The following SYN2 variants were observed in gnomAD, a reference collection of about 807,000 sequenced individuals.
The protein encoded by SYN2 is synapsin-2.
In SYN2, 19 loss-of-function variants were observed where a neutral mutation model predicts 50.9. The ratio of observed to expected loss-of-function variants is 0.37; its 90% CI spans 0.26 to 0.55. The LOEUF is 0.55. SYN2 is among the 20% of genes least tolerant of loss of function. The pLI, the probability that SYN2 is intolerant of heterozygous loss-of-function variation, is 0.81. For missense variants in SYN2, 587 were observed against 576.4 expected (o/e 1.02, Z -0.19); for synonymous variants, 255 against 224.9 (o/e 1.13, Z -1.20).
chr3:12,113,702 G>C (rs893753450), intron 1 of SYN2, among the ~76,000 whole-genome samples: 1 of 152,048 alleles, frequency 6.6e-6, no homozygotes, highest in Admixed American at 6.5e-5. Context: ...ATCACACAAT[G>C]TACTAGTTTT....
At chr3:12,044,205 A>ACACACC (rs1225806122) in intron 1 of SYN2, among the ~76,000 whole-genome samples, 4 of 135,130 alleles carry the variant, frequency 3.0e-5, no homozygotes, top group Non-Finnish European at 6.6e-5. Context: ...ACACACACAC[A>ACACACC]CACACACACA....
chr3:12,019,217 A>T (rs1247140069), intron 1 of SYN2, among the ~76,000 whole-genome samples: 1 of 152,200 alleles, frequency 6.6e-6, no homozygotes, highest in Non-Finnish European at 1.5e-5. Flanking sequence ...TGGTGGTTGG[A>T]GACTACAAGA....
chr3:12,137,711 T>TA (rs1574960772), intron 1 of SYN2, among the ~76,000 whole-genome samples: 1 of 152,184 alleles, frequency 6.6e-6, no homozygotes, highest in Non-Finnish European at 1.5e-5. Context: ...AACAAAAGTT[T>TA]AAAAAAATTT....
chr3:12,140,753 T>G (rs772291623), intron 2 of SYN2, 45 bp downstream of exon 2: 2 of 730,664 alleles, frequency 2.7e-6, no homozygotes, highest in Non-Finnish European at 5.1e-6. Flanking sequence ...CATCACAGTT[T>G]CCTCTTGACA....
chr3:12,086,891 GTATC>G (rs1179438673), intron 1 of SYN2, among the ~76,000 whole-genome samples: 3 of 152,032 alleles, frequency 2.0e-5, no homozygotes, highest in Non-Finnish European at 4.4e-5. Context: ...GAAATAAAAA[GTATC>G]TAAATAGAAA....
At chr3:12,175,085 G>A (rs558777113) in intron 10 of SYN2, among the ~76,000 whole-genome samples, 100 of 152,248 alleles carry the variant, frequency 6.6e-4, no homozygotes, top group Admixed American at 2.0e-3. Context: ...CAATCAGTTG[G>A]CTATAGAAAA....
chr3:12,056,963 A>G (rs1045681794), intron 1 of SYN2, among the ~76,000 whole-genome samples: 13 of 152,220 alleles, frequency 8.5e-5, no homozygotes, highest in African/African-American at 3.1e-4. Flanking sequence ...CTAACAGAAC[A>G]AAAATGATAA....
intron 1 of SYN2, 84 bp from the exon 2 acceptor site, chr3:12,140,567 G>C: frequency 1.4e-6 from 1 of 716,944 alleles, no homozygotes; most frequent in Non-Finnish European, 2.6e-6. Context: ...TCTGTCTGCT[G>C]TGGTCCTCTT....
intron 1 of SYN2, among the ~76,000 whole-genome samples, chr3:12,081,739 C>T (rs1695590802): frequency 6.6e-6 from 1 of 152,180 alleles, no homozygotes; most frequent in African/African-American, 2.4e-5. Context: ...CACCAATCCT[C>T]AGGTTTTCCC....
Position 12,167,240 on chromosome 3 carries a change from A to G in SYN2, c.987A>G (p.Thr329=), listed in dbSNP as rs1697822974. The G allele has an allele frequency of 6.2e-7, 1 of 1,612,830 alleles. No homozygotes were observed. Among genetic ancestry groups the G allele is most frequent in the South Asian group, 1.1e-5 (1 of 90,434 alleles). The change falls in exon 8 of 13, where the codon ACA becomes ACG. Residue 329 remains threonine (T), a synonymous_variant. Coordinates refer to ENST00000621198, the MANE Select transcript of SYN2 (RefSeq NM_133625.6). Reference sequence around the variant, plus strand: ...TGGTGGGATCTTGTTGCAGGAGGACATCGATCTCAGGGAACTGGAAGACGA... The same window carrying G: ...TGGTGGGATCTTGTTGCAGGAGGACGTCGATCTCAGGGAACTGGAAGACGA... ...IGNNYKAYMR[T]SISGNWKTNT...
At chr3:12,130,230 CTG>C (rs976627971) in intron 1 of SYN2, among the ~76,000 whole-genome samples, 12 of 85,182 alleles carry the variant, frequency 1.4e-4, no homozygotes, top group African/African-American at 4.1e-4. Flanking sequence ...GTATGCATCT[CTG>C]TGTGCGTGTG....
At chr3:12,092,518 T>C (rs1695852089) in intron 1 of SYN2, among the ~76,000 whole-genome samples, 1 of 152,050 alleles carries the variant, frequency 6.6e-6, no homozygotes, top group South Asian at 2.1e-4. Flanking sequence ...TTGAAGAGAG[T>C]AAAATTTCTC....
chr3:12,172,203 A>C (rs1331420534), intron 10 of SYN2, among the ~76,000 whole-genome samples: 1 of 152,216 alleles, frequency 6.6e-6, no homozygotes, highest in Admixed American at 6.5e-5. Context: ...TCCCATCTCT[A>C]GACCTCTGTT....
intron 3 of SYN2, 47 bp from the exon 4 acceptor site, chr3:12,145,632 G>GC: frequency 6.2e-7 from 1 of 1,600,922 alleles, no homozygotes; most frequent in Non-Finnish European, 8.5e-7. Context: ...ATGATGTATG[G>GC]CCTGAAGTGC....
intron 1 of SYN2, among the ~76,000 whole-genome samples, chr3:12,115,091 T>C (rs1696403832): frequency 6.6e-6 from 1 of 152,212 alleles, no homozygotes; most frequent in Non-Finnish European, 1.5e-5. Flanking sequence ...CTAATTTTCA[T>C]CTGAACAAAG....
At chr3:12,157,621 G>A in intron 5 of SYN2, 1 of 726,214 alleles carries the variant, frequency 1.4e-6, no homozygotes, top group Non-Finnish European at 2.3e-6. Flanking sequence ...GCAACGTGAT[G>A]TGTGAGAAGG....
At chr3:12,095,489 A>C (rs1406013593) in intron 1 of SYN2, among the ~76,000 whole-genome samples, 2 of 121,522 alleles carry the variant, frequency 1.6e-5, no homozygotes, top group Non-Finnish European at 1.7e-5. Context: ...CAGAGCTTTC[A>C]GTGAGCCGAG....
In SYN2 at chr3:12,046,811, C is replaced by T. The variant is rs542488909; in HGVS notation, c.377+41883C>T. Among the ~76,000 whole-genome samples the T allele has an allele frequency of 7.6e-4, 115 of 152,156 alleles. 3 individuals are homozygous for T. The South Asian group carries it at 0.022, about 30-fold the overall frequency. ...AAATGAAGGAGAGGTCAAAGTATGA[C>T]GACTAGGTTTCTGACTGCACAGCTG... On this transcript the variant is annotated intron_variant, in intron 1 of 12. Coordinates refer to ENST00000621198, the MANE Select transcript of SYN2 (RefSeq NM_133625.6).
At chr3:12,183,559 A>C in intron 11 of SYN2, 187 bp downstream of exon 11, 1 of 1,515,580 alleles carries the variant, frequency 6.6e-7, no homozygotes, top group Admixed American at 2.4e-5. Flanking sequence ...TTCAATGCTG[A>C]CTGGACTGTG....
Sources: gnomAD v4.1 joint callset for allele counts (sites outside exome capture counted in the v4.1 genomes callset) on GRCh38, gnomAD v4.1.1 for gene constraint, MANE v1.5 for transcripts, NCBI Gene and HGNC (gene_info 2026-07-23, HGNC 2026-07-21) for gene names.